The following SERPINB8 variants were observed in gnomAD, a reference collection of about 807,000 sequenced individuals.
The protein encoded by SERPINB8 is serpin B8.
Under a neutral mutation model 35.3 loss-of-function variants are expected in SERPINB8, and 25 were observed. The observed-to-expected ratio is 0.71, with a 90% CI of 0.52 to 0.99. The LOEUF (loss-of-function observed/expected upper bound fraction) is 0.99. Ranked by LOEUF, SERPINB8 falls within the 50% of genes least tolerant of loss-of-function variation. The pLI is 0.00. For missense variants in SERPINB8, 484 were observed against 446.5 expected, an observed-to-expected ratio of 1.08 and a Z score of -0.76; for synonymous variants, 186 against 160.8, an observed-to-expected ratio of 1.16 and a Z score of -1.19.
At chr18:63,986,644 G>T in intron 6 of SERPINB8, 1 of 1,322,150 alleles carries the variant, frequency 7.6e-7, no homozygotes, top group Non-Finnish European at 9.6e-7. Flanking sequence ...AAAAATTTCT[G>T]CCTGTCTCAG....
chr18:63,972,259 A>C (rs924703115), intron 1 of SERPINB8, among the ~76,000 whole-genome samples: 2 of 152,102 alleles, frequency 1.3e-5, no homozygotes, highest in Non-Finnish European at 2.9e-5. Flanking sequence ...CTGTCTACAC[A>C]TGCATCCAGA....
downstream of SERPINB8, among the ~76,000 whole-genome samples, chr18:64,006,070 G>C (rs1264450210): frequency 6.6e-6 from 1 of 152,122 alleles, no homozygotes; most frequent in Non-Finnish European, 1.5e-5. Context: ...CTTTTAAAAA[G>C]ATTTACATGT....
In SERPINB8 at chr18:63,986,919, T is replaced by G. The variant is rs756718045; in HGVS notation, c.766T>G (p.Ser256Ala). The G allele has an allele frequency of 5.0e-6, 8 of 1,613,408 alleles. No homozygotes were observed. The South Asian group carries it at 8.8e-5, about 18-fold the overall frequency. Residue 256 changes from serine (S) to alanine (A), a missense_variant, in exon 7 of 7, where the codon TCA becomes GCA. Transcript: ENST00000397985. Reference protein sequence around the residue: ...TYEKFKAWTNSEKLTKSKVQV... With the variant: ...TYEKFKAWTNAEKLTKSKVQV... ...TGAGAAATTCAAAGCCTGGACAAAT[T>G]CAGAAAAGTTGACAAAAAGTAAGGT...
downstream of SERPINB8, among the ~76,000 whole-genome samples, chr18:64,006,625 A>G (rs58326557): frequency 0.21 from 31,240 of 152,124 alleles, 3,411 homozygotes; most frequent in Middle Eastern, 0.36. Context: ...GTATTGTATT[A>G]TGGCAGTCAG....
At chr18:63,993,428 C>T (rs1234678548), downstream of SERPINB8, among the ~76,000 whole-genome samples, 2 of 152,034 alleles carry the variant, frequency 1.3e-5, no homozygotes, top group Admixed American at 6.6e-5. Context: ...TTTTTAATGA[C>T]TTGTATTCTT....
intron 7 of SERPINB8, among the ~76,000 whole-genome samples, chr18:64,016,891 G>T (rs1363407664): frequency 6.6e-6 from 1 of 152,132 alleles, no homozygotes; most frequent in African/African-American, 2.4e-5. Context: ...TAGTAACAGA[G>T]AATTGTTTTT....
exon 8 of SERPINB8, chr18:64,018,977 G>T (rs1331526652): frequency 6.6e-6 from 1 of 152,038 alleles, no homozygotes; most frequent in Non-Finnish European, 1.5e-5. Context: ...CGGCCCAGAT[G>T]CATGAGTGCC....
rs1191421283 is a variant in SERPINB8 at position 63,987,002 on chromosome 18, T to G, written c.849T>G (p.Leu283=). Residue 283 remains leucine, a synonymous_variant, in exon 7 of 7, where the codon CTT becomes CTG. Transcript: ENST00000397985. ...LEESYDLEPF[L]RRLGMIDAFD... is the part of the protein sequence containing the mutation. ...AGAGTTATGACTTGGAGCCTTTCCTTCGAAGATTAGGAATGATCGATGCTT... is the reference window on the plus strand; with the variant it reads ...AGAGTTATGACTTGGAGCCTTTCCTGCGAAGATTAGGAATGATCGATGCTT... The G allele has an allele frequency of 8.1e-6, 13 of 1,614,228 alleles. No individual in the cohort carries two copies. The highest frequency in any genetic ancestry group is 1.1e-5 in the Non-Finnish European group (13 of 1,180,042).
chr18:63,994,740 C>A (rs1198938977), intron 1 of SERPINB8, among the ~76,000 whole-genome samples: 1 of 152,086 alleles, frequency 6.6e-6, no homozygotes, highest in African/African-American at 2.4e-5. Context: ...CCCTGGGGGT[C>A]CTCTGGGTCT....
Position 63,985,108 on chromosome 18 carries a change from C to G in SERPINB8, c.583C>G (p.Gln195Glu). 3.7e-6 allele frequency: 6 copies of G among 1,614,062 alleles called. No individual in the cohort carries two copies. Among genetic ancestry groups the G allele is most frequent in the Non-Finnish European group, 5.1e-6 (6 of 1,179,962 alleles). The change falls in exon 6 of 7, where the codon CAG (glutamine) becomes GAG (glutamate). Residue 195 changes from glutamine to glutamate, a missense_variant. Physicochemically the swap from Gln to Glu is conservative, Grantham distance 29. Transcript: ENST00000397985. ...FKTNEEKKTV[Q>E]MMFKEAKFKM... ...TTTCCGTTAGGAAAAAAAGACAGTG[C>G]AGATGATGTTTAAGGAAGCTAAGTT...
chr18:63,971,998 C>CTTT (rs71162692), intron 1 of SERPINB8, among the ~76,000 whole-genome samples: 1 of 148,634 alleles, frequency 6.7e-6, no homozygotes, highest in African/African-American at 2.5e-5. Context: ...TTTCTTTTTT[C>CTTT]TTTTTTTTTT....
At chr18:64,010,265 C>T (rs777044238), downstream of SERPINB8, among the ~76,000 whole-genome samples, 9 of 151,940 alleles carry the variant, frequency 5.9e-5, no homozygotes, top group Non-Finnish European at 1.0e-4. Flanking sequence ...CTGTTGATAC[C>T]AAATCTTGGC....
intron 6 of SERPINB8, 100 bp downstream of exon 6, chr18:63,985,345 G>A: frequency 7.6e-7 from 1 of 1,323,336 alleles, no homozygotes; most frequent in South Asian, 1.4e-5. Context: ...TCCAGTTGGG[G>A]TTATTACAGG....
intron 1 of SERPINB8, among the ~76,000 whole-genome samples, chr18:63,974,205 T>C (rs1319264292): frequency 6.6e-6 from 1 of 152,206 alleles, no homozygotes; most frequent in Non-Finnish European, 1.5e-5. Context: ...AATTATCCTG[T>C]TATAGAGCAC....
At chr18:63,983,504 T>C in intron 4 of SERPINB8, 75 bp from the exon 5 acceptor site, 3 of 1,429,888 alleles carry the variant, frequency 2.1e-6, no homozygotes, top group Non-Finnish European at 2.9e-6. Context: ...GCCTCTGCCT[T>C]ATGTGTCAAA....
At chr18:64,009,984 T>C (rs2050918605), downstream of SERPINB8, among the ~76,000 whole-genome samples, 1 of 151,988 alleles carries the variant, frequency 6.6e-6, no homozygotes, top group Non-Finnish European at 1.5e-5. Flanking sequence ...ATCATAAAAA[T>C]TATAAAAATA....
At position 63,987,169 on chromosome 18, in the gene SERPINB8, G is replaced by A. The variant is rs752346772; in HGVS notation, c.1016G>A (p.Arg339Gln). 2.4e-5 allele frequency: 38 copies of A among 1,614,024 alleles called. No homozygotes were observed. The highest frequency in any genetic ancestry group is 1.8e-4 in the South Asian group (16 of 91,084). ...AAATAVVRNS[R>Q]CSRMEPRFCA... ...GCCACTGCTGTGGTCAGGAATTCCC[G>A]GTGCAGCAGAATGGAGCCAAGATTC... Residue 339 changes from arginine (R) to glutamine (Q), a missense_variant, in exon 7 of 7, where the codon CGG becomes CAG. Arg to Gln is a conservative substitution (Grantham distance 43, BLOSUM62 1). Coordinates refer to ENST00000397985, the MANE Select transcript of SERPINB8 (RefSeq NM_002640.4).
At chr18:64,012,631 T>A (rs1290997727) in intron 7 of SERPINB8, among the ~76,000 whole-genome samples, 1 of 152,086 alleles carries the variant, frequency 6.6e-6, no homozygotes, top group Non-Finnish European at 1.5e-5. Context: ...CTAAAAATCC[T>A]ATCAAAATTT....
intron 6 of SERPINB8, 136 bp downstream of exon 6, chr18:63,985,381 G>A: frequency 1.1e-6 from 1 of 884,308 alleles, no homozygotes. Flanking sequence ...ATCATTGTGT[G>A]TCTTTTGATG....
Sources: gnomAD v4.1 joint callset for allele counts (sites outside exome capture counted in the v4.1 genomes callset) on GRCh38, gnomAD v4.1.1 for gene constraint, MANE v1.5 for transcripts, NCBI Gene and HGNC (gene_info 2026-07-23, HGNC 2026-07-21) for gene names.